MAPKAP1: variants seen among roughly 807,000 people sequenced by gnomAD.
MAPKAP1 encodes the protein MAPK associated protein 1.
MAPKAP1 carries 20 observed loss-of-function variants against 65.7 expected under a neutral mutation model. The ratio of observed to expected loss-of-function variants is 0.30; its 90% CI spans 0.21 to 0.44. The LOEUF (loss-of-function observed/expected upper bound fraction) is 0.44, where lower values mean the gene tolerates loss of function less well. MAPKAP1 is among the 20% of genes least tolerant of loss of function. MAPKAP1 has a pLI of 1.00. For missense variants in MAPKAP1, 423 were observed against 648.0 expected (o/e 0.65, Z 3.77); for synonymous variants, 222 against 244.3 (o/e 0.91, Z 0.85).
intron 4 of MAPKAP1, among the ~76,000 whole-genome samples, chr9:125,588,648 G>T (rs972164338): frequency 1.3e-5 from 2 of 152,142 alleles, no homozygotes; most frequent in Non-Finnish European, 2.9e-5. Context: ...CTGAACTATT[G>T]TAACAGTTCC....
At chr9:125,665,367 C>A (rs1223931884) in intron 3 of MAPKAP1, among the ~76,000 whole-genome samples, 1 of 152,064 alleles carries the variant, frequency 6.6e-6, no homozygotes, top group Non-Finnish European at 1.5e-5. Context: ...ATACTATATA[C>A]CCTGAGCTGA....
intron 3 of MAPKAP1, among the ~76,000 whole-genome samples, chr9:125,661,379 C>T (rs566046012): frequency 1.1e-4 from 17 of 152,288 alleles, no homozygotes; most frequent in African/African-American, 2.2e-4. Context: ...CTATTCTCTG[C>T]GGTGCCATTT....
chr9:125,454,216 T>G (rs1239925203), intron 10 of MAPKAP1, among the ~76,000 whole-genome samples: 1 of 152,260 alleles, frequency 6.6e-6, no homozygotes, highest in Non-Finnish European at 1.5e-5. Flanking sequence ...TCAATTCATG[T>G]GTAAGTTGTT....
At chr9:125,700,814 G>C (rs916639596) in intron 1 of MAPKAP1, among the ~76,000 whole-genome samples, 4 of 152,184 alleles carry the variant, frequency 2.6e-5, no homozygotes, top group African/African-American at 9.7e-5. Context: ...CCTTGTGAAA[G>C]CTGGGTATTA....
chr9:125,618,985 T>G (rs1341925882), intron 4 of MAPKAP1, among the ~76,000 whole-genome samples: 1 of 152,056 alleles, frequency 6.6e-6, no homozygotes, highest in Non-Finnish European at 1.5e-5. Context: ...TTTTTTAAAT[T>G]AGCTGGATGT....
At chr9:125,677,538 A>C (rs1834684898) in intron 1 of MAPKAP1, among the ~76,000 whole-genome samples, 1 of 152,142 alleles carries the variant, frequency 6.6e-6, no homozygotes, top group East Asian at 1.9e-4. Context: ...TCTACTAAAA[A>C]TATAAAAAGT....
In MAPKAP1 at chr9:125,657,786, C is replaced by T. The variant is rs773200843; in HGVS notation, c.363G>A (p.Lys121=). 14 of 1,613,706 alleles carry T rather than the reference C, an allele frequency of 8.7e-6. No individual in the cohort carries two copies. Among genetic ancestry groups the T allele is most frequent in the Admixed American group, 8.3e-5 (5 of 59,988 alleles). Residue 121 remains lysine (K), a synonymous_variant, in exon 4 of 12, where the codon AAG becomes AAA. Transcript: ENST00000265960. ...TGAGAGATTTTTTTTCAAACAGTGA[C>T]TTTAACTCCTGGGCTGTGATACAAG... The part of the protein sequence containing the change: ...RNSKQSAQEL[K]SLFEKKSLKE...
chr9:125,632,140 T>G (rs1833301264), intron 4 of MAPKAP1, among the ~76,000 whole-genome samples: 1 of 150,844 alleles, frequency 6.6e-6, no homozygotes, highest in Non-Finnish European at 1.5e-5. Flanking sequence ...AAGAATCACT[T>G]GAACCCAGGA....
chr9:125,495,863 G>T (rs1372527445), intron 8 of MAPKAP1, among the ~76,000 whole-genome samples: 1 of 152,210 alleles, frequency 6.6e-6, no homozygotes, highest in South Asian at 2.1e-4. Context: ...TAGAGGGAAA[G>T]AAAACAGGAA....
intron 1 of MAPKAP1, among the ~76,000 whole-genome samples, chr9:125,693,678 T>C (rs1426024180): frequency 8.0e-6 from 1 of 125,460 alleles, no homozygotes. Flanking sequence ...TATACACGTA[T>C]ATATACACGT....
intron 6 of MAPKAP1, among the ~76,000 whole-genome samples, chr9:125,553,650 G>A (rs577052868): frequency 4.6e-5 from 7 of 152,292 alleles, no homozygotes; most frequent in African/African-American, 1.4e-4. Context: ...TGTCTATGTA[G>A]TCTACGGCTA....
In MAPKAP1 at chr9:125,625,055, A is replaced by C. The variant is rs939260790; in HGVS notation, c.498+32596T>G. 1.2e-4 allele frequency among the ~76,000 whole-genome samples: 9 copies of C among 76,020 alleles called. 1 individual carries two copies. The highest frequency in any genetic ancestry group is 2.4e-4 in the Non-Finnish European group (9 of 37,436). 49.9% of individuals were successfully genotyped at this position (76,020 alleles called of 152,430 possible). A position where few individuals can be genotyped will look rare whatever the true frequency, so the allele number is the denominator to read the frequency against. On this transcript the variant is annotated intron_variant, in intron 4 of 11. Transcript: ENST00000265960. ...GCTTGAAGGCAGCATGCTCGTTAAG[A>C]GTCATCACCACTCCCTAATCTCAAG...
At chr9:125,591,058 G>T (rs1029274882) in intron 4 of MAPKAP1, among the ~76,000 whole-genome samples, 2 of 152,182 alleles carry the variant, frequency 1.3e-5, no homozygotes, top group African/African-American at 4.8e-5. Context: ...ACAAGCGTGA[G>T]TGACTGCGAC....
chr9:125,682,004 C>T (rs929114124), intron 1 of MAPKAP1, among the ~76,000 whole-genome samples: 1 of 152,210 alleles, frequency 6.6e-6, no homozygotes, highest in African/African-American at 2.4e-5. Flanking sequence ...TCAAGCGATA[C>T]TCCCACTTTG....
In MAPKAP1 at chr9:125,686,218, G is replaced by A. The variant is rs148404054; in HGVS notation, c.-69-13575C>T. Reference sequence around the variant, plus strand: ...GGCGCCTGTACTCCCAGGCTGAGGCGGGAGAACGGCATGAACCCGGGAGGC... The same window carrying A: ...GGCGCCTGTACTCCCAGGCTGAGGCAGGAGAACGGCATGAACCCGGGAGGC... On this transcript the variant is annotated intron_variant, in intron 1 of 11. Transcript: ENST00000265960. 3.3e-5 allele frequency among the ~76,000 whole-genome samples: 5 copies of A among 151,498 alleles called. No individual in the cohort carries two copies. The East Asian group carries it at 9.7e-4, about 29-fold the overall frequency.
intron 7 of MAPKAP1, among the ~76,000 whole-genome samples, chr9:125,522,993 C>T (rs960580774): frequency 5.9e-5 from 9 of 152,196 alleles, no homozygotes; most frequent in Non-Finnish European, 1.2e-4. Flanking sequence ...CCTTCTGACC[C>T]CATGATATCA....
chr9:125,533,880 A>G (rs755194217), intron 7 of MAPKAP1, among the ~76,000 whole-genome samples: 1 of 152,232 alleles, frequency 6.6e-6, no homozygotes, highest in Non-Finnish European at 1.5e-5. Flanking sequence ...TGTTCACTGC[A>G]TGTTTTTGTA....
At chr9:125,590,545 G>A (rs549512987) in intron 4 of MAPKAP1, among the ~76,000 whole-genome samples, 1 of 152,010 alleles carries the variant, frequency 6.6e-6, no homozygotes, top group South Asian at 2.1e-4. Flanking sequence ...AGCTACTGAG[G>A]AGGCTGAGGG....
At chr9:125,596,333 T>C (rs1832124923) in intron 4 of MAPKAP1, 6 of 763,580 alleles carry the variant, frequency 7.9e-6, no homozygotes, top group Non-Finnish European at 9.5e-6. Context: ...GAAACTTCAG[T>C]GGTTGTGGTG....
Sources: gnomAD v4.1 joint callset for allele counts (sites outside exome capture counted in the v4.1 genomes callset) on GRCh38, gnomAD v4.1.1 for gene constraint, MANE v1.5 for transcripts, NCBI Gene and HGNC (gene_info 2026-07-23, HGNC 2026-07-21) for gene names.